Variants in TEK observed in about 807,000 individuals in gnomAD.
TEK encodes the protein TEK receptor tyrosine kinase, also known as angiopoietin-1 receptor.
Under a neutral mutation model 131.8 loss-of-function variants are expected in TEK, and 43 were observed. That is an observed-to-expected ratio of 0.33 (90% CI 0.26 to 0.42). The LOEUF (loss-of-function observed/expected upper bound fraction) is 0.42. TEK is among the 10% of genes least tolerant of loss of function. The pLI is 1.00. For missense variants in TEK, 1,162 were observed against 1,384.4 expected (o/e 0.84, Z 2.55); for synonymous variants, 580 against 491.6 (o/e 1.18, Z -2.38).
intron 1 of TEK, among the ~76,000 whole-genome samples, chr9:27,157,624 G>C (rs1292018720): frequency 6.6e-6 from 1 of 152,160 alleles, no homozygotes; most frequent in African/African-American, 2.4e-5. Context: ...GGGCAGGAGA[G>C]GTTAGCAGGG....
chr9:27,169,819 G>T (rs1823882775), intron 4 of TEK, among the ~76,000 whole-genome samples, 190 bp downstream of exon 4: 1 of 152,196 alleles, frequency 6.6e-6, no homozygotes, highest in South Asian at 2.1e-4. Context: ...GAATGACAGA[G>T]AAACCCAGGT....
chr9:27,153,233 C>T (rs560619102), intron 1 of TEK, among the ~76,000 whole-genome samples: 3 of 152,160 alleles, frequency 2.0e-5, no homozygotes, highest in South Asian at 2.1e-4. Context: ...TGGATCACGA[C>T]GTCAGGAGTT....
At chr9:27,198,806 A>G (rs1462784077) in intron 12 of TEK, among the ~76,000 whole-genome samples, 3 of 152,146 alleles carry the variant, frequency 2.0e-5, no homozygotes, top group Non-Finnish European at 4.4e-5. Flanking sequence ...TGTTGTATGT[A>G]TATATTTTTT....
rs775495632 is a variant in TEK, at chr9:27,183,444, G to T, written c.1031-15G>T. ...GTTAAATATTAGATTTCACAGTGCT[G>T]TTTTCTTCCTTCAGGCATACAGAGG... On this transcript the variant is annotated splice_polypyrimidine_tract_variant and intron_variant, in intron 7 of 22. Coordinates refer to ENST00000380036, the MANE Select transcript of TEK (RefSeq NM_000459.5). 6.2e-7 allele frequency: 1 copy of T among 1,613,264 alleles called. No individual in the cohort carries two copies. The highest frequency in any genetic ancestry group is 8.5e-7 in the Non-Finnish European group (1 of 1,179,460).
chr9:27,228,453 G>A (rs879532929), intron 22 of TEK, 148 bp downstream of exon 22: 44 of 668,242 alleles, frequency 6.6e-5, no homozygotes, highest in South Asian at 2.4e-4. Context: ...CCACCCCCGC[G>A]ACTTTGAAGA....
intron 1 of TEK, among the ~76,000 whole-genome samples, chr9:27,153,799 A>T (rs1823220963): frequency 6.6e-6 from 1 of 152,198 alleles, no homozygotes. Context: ...GTGGCACCAG[A>T]TATGCAGTGG....
chr9:27,162,281 C>T (rs1823573007), intron 2 of TEK, among the ~76,000 whole-genome samples: 1 of 152,186 alleles, frequency 6.6e-6, no homozygotes, highest in African/African-American at 2.4e-5. Flanking sequence ...TTGCTGCTGA[C>T]TCGTACATCT....
intron 1 of TEK, among the ~76,000 whole-genome samples, chr9:27,118,435 G>T (rs1384398881): frequency 2.0e-5 from 3 of 152,062 alleles, no homozygotes; most frequent in Non-Finnish European, 4.4e-5. Flanking sequence ...AGGAGTTCGA[G>T]ACCATCCTGG....
Position 27,197,619 on chromosome 9 carries a change from C to G in TEK, c.1909+20C>G, listed in dbSNP as rs1299693730. The G allele has an allele frequency of 2.5e-6, 4 of 1,613,344 alleles. No individual in the cohort carries two copies. The highest frequency in any genetic ancestry group is 1.7e-5 in the Admixed American group (1 of 59,940). On this transcript the variant is annotated intron_variant, in intron 12 of 22. Coordinates refer to ENST00000380036, the MANE Select transcript of TEK (RefSeq NM_000459.5). ...GTGACAGTAAGTAATTCATGCTGCT[C>G]CAGCCTCATCTGAGCAATAAGGGGC...
intron 6 of TEK, among the ~76,000 whole-genome samples, chr9:27,179,763 C>T (rs1318708105): frequency 6.6e-6 from 1 of 152,154 alleles, no homozygotes; most frequent in Non-Finnish European, 1.5e-5. Context: ...TCTGGGTTTT[C>T]CCTCTCTCTC....
chr9:27,214,473 T>C (rs1468199311), intron 18 of TEK, among the ~76,000 whole-genome samples: 2 of 152,206 alleles, frequency 1.3e-5, no homozygotes, highest in Admixed American at 6.5e-5. Flanking sequence ...ATCTTTTTGC[T>C]TTTGTGGGCA....
chr9:27,183,915 T>C (rs942672488), intron 8 of TEK, among the ~76,000 whole-genome samples: 19 of 152,150 alleles, frequency 1.2e-4, no homozygotes, highest in African/African-American at 4.6e-4. Context: ...GAAGTACGTG[T>C]CAATCTGTGC....
intron 1 of TEK, among the ~76,000 whole-genome samples, chr9:27,120,331 T>G (rs575285164): frequency 6.6e-6 from 1 of 152,388 alleles, no homozygotes; most frequent in East Asian, 1.9e-4. Flanking sequence ...TCACCTCTTC[T>G]TCACCTGCTT....
At chr9:27,152,601 G>GA (rs5897221) in intron 1 of TEK, among the ~76,000 whole-genome samples, 37,116 of 122,684 alleles carry the variant, frequency 0.3, 5,421 homozygotes, top group South Asian at 0.52. Flanking sequence ...CCCCCCCGCC[G>GA]CAAAAAAATA....
chr9:27,113,471 C>A (rs682067), intron 1 of TEK, among the ~76,000 whole-genome samples: 18 of 152,052 alleles, frequency 1.2e-4, no homozygotes, highest in Admixed American at 4.6e-4. Flanking sequence ...GCCCGTAGTC[C>A]TAGCTACTCG....
At chr9:27,168,999 G>A (rs190326677) in intron 3 of TEK, among the ~76,000 whole-genome samples, 2 of 152,324 alleles carry the variant, frequency 1.3e-5, no homozygotes, top group Admixed American at 6.5e-5. Context: ...TAATCCAAAT[G>A]TGTCTAGGTC....
intron 1 of TEK, among the ~76,000 whole-genome samples, chr9:27,120,639 A>G (rs566283431): frequency 2.8e-4 from 43 of 152,224 alleles, no homozygotes; most frequent in Non-Finnish European, 5.4e-4. Context: ...TCCGCAAATG[A>G]AAAGGGGAGG....
At chr9:27,187,108 C>T (rs998915087) in intron 9 of TEK, among the ~76,000 whole-genome samples, 7 of 152,138 alleles carry the variant, frequency 4.6e-5, no homozygotes, top group African/African-American at 1.4e-4. Context: ...CATGGACATA[C>T]GTCCAAAACA....
chr9:27,223,232 A>C (rs1826165273), intron 21 of TEK, among the ~76,000 whole-genome samples: 2 of 152,294 alleles, frequency 1.3e-5, no homozygotes, highest in South Asian at 4.1e-4. Context: ...CAGAAGATTA[A>C]CAAGGATATT....
Sources: gnomAD v4.1 joint callset for allele counts (sites outside exome capture counted in the v4.1 genomes callset) on GRCh38, gnomAD v4.1.1 for gene constraint, MANE v1.5 for transcripts, NCBI Gene and HGNC (gene_info 2026-07-23, HGNC 2026-07-21) for gene names.